OTOGL: variants seen among roughly 807,000 people sequenced by gnomAD.
The protein encoded by OTOGL is otogelin-like protein.
OTOGL carries 285 observed loss-of-function variants against 318.5 expected under a neutral mutation model. The observed-to-expected ratio is 0.89, with a 90% CI of 0.81 to 0.99. The LOEUF is 0.99. OTOGL is among the 50% of genes least tolerant of loss of function. OTOGL has a pLI of 0.00. For synonymous variants in OTOGL, 987 were observed against 936.5 expected (o/e 1.05, Z -0.99); for missense variants, 2,899 against 2,845.6 (o/e 1.02, Z -0.43).
chr12:80,319,149 T>C (rs1438546876), intron 33 of OTOGL, among the ~76,000 whole-genome samples: 2 of 152,130 alleles, frequency 1.3e-5, no homozygotes, highest in African/African-American at 4.8e-5. Context: ...TGACAGTCTG[T>C]TATTCTGTTA....
intron 1 of OTOGL, among the ~76,000 whole-genome samples, chr12:80,114,038 G>C (rs190276310): frequency 6.6e-6 from 1 of 152,152 alleles, no homozygotes; most frequent in Admixed American, 6.5e-5. Context: ...CCTGAATACA[G>C]CACACCGATG....
chr12:80,353,775 T>G lies in OTOGL; in HGVS notation c.5593+265T>G, dbSNP rs1291292370. On this transcript the variant is annotated intron_variant, in intron 46 of 58. Transcript: ENST00000547103. ...GGAAATCAAGAATTAAGAGTGTGGA[T>G]TATGGACTGAACTCAAAATCAACTT... Among the ~76,000 whole-genome samples the G allele has an allele frequency of 7.9e-5, 12 of 152,148 alleles. 1 individual carries two copies. Among genetic ancestry groups the G allele is most frequent in the Non-Finnish European group, 2.9e-5 (2 of 68,018 alleles).
chr12:80,320,786 C>T, intron 34 of OTOGL, 86 bp downstream of exon 34: 1 of 1,331,810 alleles, frequency 7.5e-7, no homozygotes, highest in Non-Finnish European at 1.0e-6. Flanking sequence ...AAAAACCATT[C>T]TTACTGCATA....
At chr12:80,250,336 G>C (rs1317424911) in intron 11 of OTOGL, among the ~76,000 whole-genome samples, 1 of 152,004 alleles carries the variant, frequency 6.6e-6, no homozygotes, top group African/African-American at 2.4e-5. Context: ...GAGTTTTCAT[G>C]AGGTGTCACA....
At chr12:80,284,341 G>A (rs533675076) in intron 26 of OTOGL, among the ~76,000 whole-genome samples, 3 of 152,150 alleles carry the variant, frequency 2.0e-5, no homozygotes, top group African/African-American at 7.2e-5. Context: ...ATAAACATAC[G>A]TGTGCATGTG....
intron 48 of OTOGL, 115 bp downstream of exon 48, chr12:80,356,635 C>T (rs944612887): frequency 2.3e-6 from 2 of 872,192 alleles, no homozygotes; most frequent in African/African-American, 3.5e-5. Context: ...AGATTGCGGA[C>T]TTGTCTTGCT....
chr12:80,144,559 G>A (rs1452239501), intron 1 of OTOGL, among the ~76,000 whole-genome samples: 2 of 151,080 alleles, frequency 1.3e-5, no homozygotes, highest in African/African-American at 4.9e-5. Flanking sequence ...ATAGTCCTTT[G>A]GGTATATATC....
chr12:80,148,642 A>G (rs1592495574), intron 1 of OTOGL, among the ~76,000 whole-genome samples: 1 of 152,174 alleles, frequency 6.6e-6, no homozygotes, highest in Admixed American at 6.5e-5. Context: ...AATATCCTGC[A>G]GAGTGTTTTT....
At chr12:80,367,794 G>T in intron 54 of OTOGL, 55 bp downstream of exon 54, 1 of 1,214,554 alleles carries the variant, frequency 8.2e-7, no homozygotes. Context: ...AAAAATGGCA[G>T]AGTTATAGAA....
At chr12:80,100,746 G>A (rs1408806988) in intron 1 of OTOGL, among the ~76,000 whole-genome samples, 3 of 152,074 alleles carry the variant, frequency 2.0e-5, no homozygotes, top group Non-Finnish European at 4.4e-5. Context: ...GAATGTTTAT[G>A]CAAAGGAAGA....
At position 80,336,994 on chromosome 12, in the gene OTOGL, TG is replaced by T; in HGVS notation, c.4852del (p.Ala1618GlnfsTer4). On this transcript the variant is annotated frameshift_variant, in exon 42 of 59. Coordinates refer to ENST00000547103, the MANE Select transcript of OTOGL (RefSeq NM_001378609.3). LOFTEE classifies it high-confidence loss of function. Reference protein sequence around the residue: ...TPIHKIIVNRLARKVEVDSIV... With the variant: ...TPIHKIIVNRXARKVEVDSIV... Reference sequence around the variant, plus strand: ...ATACATAAAATAATTGTCAATCGGTTGGCAAGAAAGGTAAGAATACAAAGTT... The same window carrying T: ...ATACATAAAATAATTGTCAATCGGTTGCAAGAAAGGTAAGAATACAAAGTT... 2 of 1,578,244 alleles carry T rather than the reference TG, an allele frequency of 1.3e-6. No individual in the cohort carries two copies. The highest frequency in any genetic ancestry group is 1.7e-6 in the Non-Finnish European group (2 of 1,159,136).
chr12:80,202,214 G>C (rs1051247966), intron 1 of OTOGL, among the ~76,000 whole-genome samples: 1 of 151,798 alleles, frequency 6.6e-6, no homozygotes, highest in Non-Finnish European at 1.5e-5. Flanking sequence ...TTCTGTTCCC[G>C]TTCGGGTTTT....
chr12:80,198,171 C>CT (rs1042579973), intron 1 of OTOGL, among the ~76,000 whole-genome samples: 2 of 152,190 alleles, frequency 1.3e-5, no homozygotes, highest in African/African-American at 2.4e-5. Context: ...CTCTCACCCC[C>CT]TGGAGTAGAA....
At chr12:80,339,298 G>GTTCTTTTTTTTTTTTTTTTTTTTT (rs1888610770) in intron 43 of OTOGL, 34 bp downstream of exon 43, 1 of 445,022 alleles carries the variant, frequency 2.2e-6, no homozygotes, top group Admixed American at 7.2e-5. Context: ...GATTTCGTCT[G>GTTCTTTTTTTTTTTTTTTTTTTTT]TTTTTTTTTT....
chr12:80,321,994 A>C (rs527460631), intron 34 of OTOGL, among the ~76,000 whole-genome samples: 6 of 152,284 alleles, frequency 3.9e-5, no homozygotes, highest in African/African-American at 1.2e-4. Flanking sequence ...CCTGGATTTG[A>C]TACTTCAGGT....
chr12:80,231,012 C>T (rs978072497), intron 8 of OTOGL, among the ~76,000 whole-genome samples: 1 of 152,120 alleles, frequency 6.6e-6, no homozygotes, highest in Non-Finnish European at 1.5e-5. Context: ...AGTTTTCCAC[C>T]TTTATTTTCA....
chr12:80,260,582 G>A (rs1330613423), intron 18 of OTOGL, among the ~76,000 whole-genome samples: 1 of 152,114 alleles, frequency 6.6e-6, no homozygotes, highest in Non-Finnish European at 1.5e-5. Context: ...TCTTCACAAA[G>A]GTTAATGTGA....
chr12:80,284,421 A>G (rs1884462751), intron 26 of OTOGL, among the ~76,000 whole-genome samples: 1 of 152,124 alleles, frequency 6.6e-6, no homozygotes, highest in Non-Finnish European at 1.5e-5. Flanking sequence ...GTCAAGTGGT[A>G]TTTCTGGTTC....
In OTOGL at chr12:80,358,916, T is replaced by C; in HGVS notation, c.6267+16T>C. ...TTGTGAAGTGGTAAGAACACATATTTTGATTGACTTGTCATATTTATTTAA... is the reference window on the plus strand; with the variant it reads ...TTGTGAAGTGGTAAGAACACATATTCTGATTGACTTGTCATATTTATTTAA... On this transcript the variant is annotated intron_variant, in intron 52 of 58. Transcript: ENST00000547103. The C allele has an allele frequency of 6.9e-7, 1 of 1,455,796 alleles. No homozygotes were observed. The highest frequency in any genetic ancestry group is 1.3e-5 in the South Asian group (1 of 79,470). 90.2% of individuals were successfully genotyped at this position (1,455,796 alleles called of 1,614,324 possible).
Sources: gnomAD v4.1 joint callset for allele counts (sites outside exome capture counted in the v4.1 genomes callset) on GRCh38, gnomAD v4.1.1 for gene constraint, MANE v1.5 for transcripts, NCBI Gene and HGNC (gene_info 2026-07-23, HGNC 2026-07-21) for gene names.